STAMBP: variants seen among roughly 807,000 people sequenced by gnomAD.
STAMBP encodes the protein STAM-binding protein.
A neutral mutation model predicts 50.7 loss-of-function variants in STAMBP; 31 were observed. The observed-to-expected ratio is 0.61, with a 90% CI of 0.46 to 0.83. STAMBP has a LOEUF of 0.83. Among genes scored for constraint, STAMBP ranks in the 40% least tolerant of loss-of-function variants. The pLI, the probability that STAMBP is intolerant of heterozygous loss-of-function variation, is 0.00. For missense variants in STAMBP, 472 were observed against 518.9 expected, an observed-to-expected ratio of 0.91 and a Z score of 0.88; for synonymous variants, 211 against 192.4, an observed-to-expected ratio of 1.10 and a Z score of -0.80.
In STAMBP at chr2:73,863,192, A is replaced by C. The variant is rs1168593704; in HGVS notation, c.*933A>C. The C allele has an allele frequency of 6.6e-6, 1 of 152,052 alleles. No individual in the cohort carries two copies. Among genetic ancestry groups the C allele is most frequent in the Non-Finnish European group, 1.5e-5 (1 of 68,022 alleles). The allele number at this position is 152,052 out of a possible 1,614,324, so 9.4% of individuals were successfully genotyped here. ...GCCTTTGTTTGGAGTACCAGGTTAC[A>C]CTCCAATAAATGATTACATTTCCCA... On this transcript the variant is annotated 3_prime_UTR_variant, in exon 10 of 10. Transcript: ENST00000394070.
chr2:73,872,642 G>C (rs1490415116), intron 10 of STAMBP, among the ~76,000 whole-genome samples: 1 of 152,216 alleles, frequency 6.6e-6, no homozygotes, highest in African/African-American at 2.4e-5. Flanking sequence ...CCGAAGTGTT[G>C]AGGGAACCCA....
chr2:73,842,286 CTG>C (rs1380839108), intron 2 of STAMBP, among the ~76,000 whole-genome samples: 1 of 152,250 alleles, frequency 6.6e-6, no homozygotes, highest in Admixed American at 6.5e-5. Flanking sequence ...CTCCCCATGT[CTG>C]TGTGGGTTTT....
At chr2:73,848,996 GGA>G (rs1395110211) in intron 5 of STAMBP, among the ~76,000 whole-genome samples, 4 of 152,086 alleles carry the variant, frequency 2.6e-5, no homozygotes, top group Non-Finnish European at 4.4e-5. Context: ...AGCACATCAT[GGA>G]GAATAGGGTA....
chr2:73,839,779 C>G (rs1308884692), intron 2 of STAMBP, among the ~76,000 whole-genome samples: 1 of 152,142 alleles, frequency 6.6e-6, no homozygotes, highest in African/African-American at 2.4e-5. Flanking sequence ...CATAGGTGCC[C>G]CCATGTGTCC....
At chr2:73,860,357 T>C (rs1336793867) in intron 9 of STAMBP, among the ~76,000 whole-genome samples, 2 of 152,310 alleles carry the variant, frequency 1.3e-5, no homozygotes, top group Non-Finnish European at 2.9e-5. Context: ...GTGCCTTTGA[T>C]TGGGCTACTT....
chr2:73,830,439 G>A (rs1216004260), intron 1 of STAMBP, among the ~76,000 whole-genome samples: 1 of 152,228 alleles, frequency 6.6e-6, no homozygotes, highest in Non-Finnish European at 1.5e-5. Flanking sequence ...CACTCTGCCA[G>A]GTACTGGGGT....
rs79678299 is a variant in STAMBP at position 73,858,826 on chromosome 2, G to T, written c.1006-428G>T. Among the ~76,000 whole-genome samples the T allele has an allele frequency of 7.6e-4, 116 of 152,294 alleles. 1 individual carries two copies. The highest frequency in any genetic ancestry group is 9.4e-4 in the Non-Finnish European group (64 of 68,028). On this transcript the variant is annotated intron_variant, in intron 7 of 9. Coordinates refer to ENST00000394070, the MANE Select transcript of STAMBP (RefSeq NM_213622.4). ...CTTACAAAGGAGATTGTGACCAGCT[G>T]TTGAGAACTGTTTGGCTTTACTTCC...
In STAMBP at chr2:73,867,127, A is replaced by G. The variant is rs1053040943; in HGVS notation, c.*4868A>G. The G allele has an allele frequency of 8.5e-5, 13 of 152,272 alleles. No individual in the cohort carries two copies. Among genetic ancestry groups the G allele is most frequent in the Non-Finnish European group, 1.8e-4 (12 of 68,046 alleles). 9.4% of individuals were successfully genotyped at this position (152,272 alleles called of 1,614,324 possible). A position where few individuals can be genotyped will look rare whatever the true frequency, so the allele number is the denominator to read the frequency against. On this transcript the variant is annotated 3_prime_UTR_variant, in exon 10 of 10. Coordinates refer to ENST00000394070, the MANE Select transcript of STAMBP (RefSeq NM_213622.4). The stretch of plus-strand genomic sequence containing the variant: ...ACTGAGTCCCCTGACATGGAATAAG[A>G]TATGAATAAATGCACAGACTTGTCC...
At chr2:73,832,484 C>T (rs1322245464) in intron 2 of STAMBP, among the ~76,000 whole-genome samples, 2 of 151,868 alleles carry the variant, frequency 1.3e-5, no homozygotes, top group African/African-American at 4.8e-5. Flanking sequence ...AAAGTCTCCC[C>T]ACCCACTCCT....
At chr2:73,859,726 A>AAAAT (rs1678081598) in intron 8 of STAMBP, among the ~76,000 whole-genome samples, 2 of 145,970 alleles carry the variant, frequency 1.4e-5, no homozygotes. Flanking sequence ...ATAAAAAAAT[A>AAAAT]AAAATAAAAA....
In STAMBP at chr2:73,852,845, T is replaced by TTGTGTGTGTG. The variant is rs55727735; in HGVS notation, c.1005+2360_1005+2369dup. Among the ~76,000 whole-genome samples the TTGTGTGTGTG allele has an allele frequency of 2.6e-3, 331 of 127,682 alleles. 5 individuals carry two copies. The highest frequency in any genetic ancestry group is 8.6e-3 in the African/African-American group (281 of 32,542). 83.8% of individuals were successfully genotyped at this position (127,682 alleles called of 152,430 possible). On this transcript the variant is annotated intron_variant, in intron 7 of 9. Coordinates refer to ENST00000394070, the MANE Select transcript of STAMBP (RefSeq NM_213622.4). ...GGTACCCGCCACTATGCCTGGCTAATTGTGTGTGTGTGTGTGTGTGTGTGT... is the reference window on the plus strand; with the variant it reads ...GGTACCCGCCACTATGCCTGGCTAATTGTGTGTGTGTGTGTGTGTGTGTGTGTGTGTGTGT...
Position 73,857,002 on chromosome 2 carries a change from C to T in STAMBP, c.1006-2252C>T, listed in dbSNP as rs562417264. On this transcript the variant is annotated intron_variant, in intron 7 of 9. Coordinates refer to ENST00000394070, the MANE Select transcript of STAMBP (RefSeq NM_213622.4). ...GAAGCCTTTTCTTCACACTTGGAAC[C>T]TAGATCTTGATTTCCTTTTGTGAGG... 7.0e-4 allele frequency among the ~76,000 whole-genome samples: 106 copies of T among 152,312 alleles called. 1 individual carries two copies. The highest frequency in any genetic ancestry group is 8.2e-4 in the African/African-American group (34 of 41,574).
At chr2:73,844,274 C>T (rs1456634984) in intron 2 of STAMBP, among the ~76,000 whole-genome samples, 1 of 152,194 alleles carries the variant, frequency 6.6e-6, no homozygotes, top group Non-Finnish European at 1.5e-5. Flanking sequence ...GCATAGAACA[C>T]ATGCACTAAG....
Position 73,842,577 on chromosome 2 carries a change from A to G in STAMBP, c.204-2236A>G, listed in dbSNP as rs138200000. Reference sequence around the variant, plus strand: ...ATTTATTTCAGTGTTTAATATTAGAAGTGTTTTGGTCTGTATTTAGAAGTC... The same window carrying G: ...ATTTATTTCAGTGTTTAATATTAGAGGTGTTTTGGTCTGTATTTAGAAGTC... On this transcript the variant is annotated intron_variant, in intron 2 of 9. Transcript: ENST00000394070. Among the ~76,000 whole-genome samples, 8 of 152,278 alleles carry G rather than the reference A, an allele frequency of 5.3e-5. No individual in the cohort carries two copies. The East Asian group carries it at 1.5e-3, about 29-fold the overall frequency.
Position 73,850,717 on chromosome 2 carries a change from TTTTA to T in STAMBP, c.1005+212_1005+215del, listed in dbSNP as rs1490821230. The stretch of plus-strand genomic sequence containing the variant: ...TTAGGGCTTTTAAATTTTTTTAACT[TTTTA>T]TTTATTTTTTAGTAAAAATAAACTG... On this transcript the variant is annotated intron_variant, in intron 7 of 9. Coordinates refer to ENST00000394070, the MANE Select transcript of STAMBP (RefSeq NM_213622.4). This position sits in a 1 kb window ranked among gnomAD's most constrained non-coding sequence, Gnocchi z 4.3. Among the ~76,000 whole-genome samples, 1 of 152,256 alleles carries T rather than the reference TTTTA, an allele frequency of 6.6e-6. No homozygotes were observed. The highest frequency in any genetic ancestry group is 2.4e-5 in the African/African-American group (1 of 41,472).
intron 7 of STAMBP, among the ~76,000 whole-genome samples, chr2:73,858,295 C>T (rs1459723787): frequency 6.6e-6 from 1 of 151,358 alleles, no homozygotes; most frequent in Middle Eastern, 3.2e-3. Flanking sequence ...CCCGCCACCA[C>T]GCCCAGCCAA....
Position 73,863,094 on chromosome 2 carries a change from T to G in STAMBP, c.*835T>G, listed in dbSNP as rs531946289. On this transcript the variant is annotated 3_prime_UTR_variant, in exon 10 of 10. Coordinates refer to ENST00000394070, the MANE Select transcript of STAMBP (RefSeq NM_213622.4). ...TGTTGTGAAGTCATCTCTGTTCTTT[T>G]GGTGCTGTCTCAAATGGGTCAACCA... 1 of 152,340 alleles carries G rather than the reference T, an allele frequency of 6.6e-6. No homozygotes were observed. The highest frequency in any genetic ancestry group is 1.9e-4 in the East Asian group (1 of 5,186). The allele number at this position is 152,340 out of a possible 1,614,324, so 9.4% of individuals were successfully genotyped here.
intron 2 of STAMBP, among the ~76,000 whole-genome samples, chr2:73,834,703 G>C (rs1322135786): frequency 2.0e-5 from 3 of 152,092 alleles, no homozygotes; most frequent in Admixed American, 1.3e-4. Context: ...GAATAAGCAG[G>C]GGTTTATGAC....
chr2:73,836,172 T>C (rs1674691246), intron 2 of STAMBP, among the ~76,000 whole-genome samples: 1 of 152,254 alleles, frequency 6.6e-6, no homozygotes, highest in Admixed American at 6.5e-5. Flanking sequence ...TGTACACATC[T>C]ACAGGTACAT....
Sources: gnomAD v4.1 joint callset for allele counts (sites outside exome capture counted in the v4.1 genomes callset) on GRCh38, gnomAD v4.1.1 for gene constraint, Gnocchi (gnomAD v3.1) non-coding constraint, MANE v1.5 for transcripts, NCBI Gene and HGNC (gene_info 2026-07-23, HGNC 2026-07-21) for gene names.